The following MGAM variants were observed in gnomAD, a reference collection of about 807,000 sequenced individuals.
The protein encoded by MGAM is alpha-1,4-glucosidase.
Under a neutral mutation model 358.8 loss-of-function variants are expected in MGAM, and 253 were observed. That is an observed-to-expected ratio of 0.71 (90% CI 0.64 to 0.78). The LOEUF (loss-of-function observed/expected upper bound fraction) is 0.78. Among genes scored for constraint, MGAM ranks in the 30% least tolerant of loss-of-function variants. The pLI is 0.00. For synonymous variants in MGAM, 1,105 were observed against 1,227.1 expected (o/e 0.90, Z 2.08); for missense variants, 3,080 against 3,432.6 (o/e 0.90, Z 2.57).
intron 18 of MGAM, among the ~76,000 whole-genome samples, chr7:142,038,008 A>C (rs1055577196): frequency 6.6e-6 from 1 of 151,044 alleles, no homozygotes; most frequent in African/African-American, 2.4e-5. Context: ...CTTTCTAACT[A>C]TTTTTTTTTG....
chr7:142,063,220 A>T (rs1812399371), intron 35 of MGAM, among the ~76,000 whole-genome samples: 1 of 151,360 alleles, frequency 6.6e-6, no homozygotes, highest in African/African-American at 2.4e-5. Context: ...CAAAACCAAA[A>T]AAAAAACCTG....
intron 67 of MGAM, 79 bp from the exon 68 acceptor site, chr7:142,100,723 C>T: frequency 7.9e-7 from 1 of 1,261,586 alleles, no homozygotes; most frequent in South Asian, 1.3e-5. Context: ...CCCTTTGCTG[C>T]TTTATGTTTG....
At position 142,034,628 on chromosome 7, in the gene MGAM, C is replaced by A. The variant is rs782572764; in HGVS notation, c.1788-42C>A. ...GCTGTATCCCCTTGGCTGAGACAAGCTAAGATCCCACATTGACTCCTTAAA... is the reference window on the plus strand; with the variant it reads ...GCTGTATCCCCTTGGCTGAGACAAGATAAGATCCCACATTGACTCCTTAAA... On this transcript the variant is annotated intron_variant, in intron 15 of 70. Coordinates refer to ENST00000475668, the MANE Select transcript of MGAM (RefSeq NM_001365693.1). 2.5e-6 allele frequency: 4 copies of A among 1,576,238 alleles called. No homozygotes were observed. The South Asian group carries it at 4.5e-5, about 18-fold the overall frequency.
At chr7:142,060,098 C>T in intron 33 of MGAM, 132 bp downstream of exon 33, 1 of 1,261,458 alleles carries the variant, frequency 7.9e-7, no homozygotes, top group Non-Finnish European at 1.1e-6. Flanking sequence ...AGGTCAGAAG[C>T]TCTCCTTTTC....
rs998573218 is a variant in MGAM, at chr7:142,078,181, G to C, written c.5494-137G>C. ...CAGTTCTCTTCTTATAAGCTAAAGT[G>C]ATATGTTGCTTGGATGGTTGAAAGT... On this transcript the variant is annotated intron_variant, in intron 47 of 70. Transcript: ENST00000475668. 16 of 702,786 alleles carry C rather than the reference G, an allele frequency of 2.3e-5. 3 individuals carry two copies. Among genetic ancestry groups the C allele is most frequent in the South Asian group, 1.7e-4 (7 of 41,664 alleles). 43.5% of individuals were successfully genotyped at this position (702,786 alleles called of 1,614,324 possible).
chr7:142,045,904 C>T (rs1307781949), intron 21 of MGAM, among the ~76,000 whole-genome samples: 3 of 89,564 alleles, frequency 3.3e-5, no homozygotes, highest in Admixed American at 1.5e-4. Flanking sequence ...TGTATACATA[C>T]AATATGTAAT....
chr7:142,041,948 A>G (rs1202770144), intron 21 of MGAM, among the ~76,000 whole-genome samples: 1 of 14,908 alleles, frequency 6.7e-5, no homozygotes, highest in African/African-American at 1.9e-4. Flanking sequence ...TTATATATAT[A>G]CATATATATA....
In MGAM at chr7:142,027,202, A is replaced by G. The variant is rs1554461260; in HGVS notation, c.1070A>G (p.Glu357Gly). 4 of 1,613,066 alleles carry G rather than the reference A, an allele frequency of 2.5e-6. No individual in the cohort carries two copies. Among genetic ancestry groups the G allele is most frequent in the Non-Finnish European group, 3.4e-6 (4 of 1,179,192 alleles). Residue 357 changes from glutamate to glycine, a missense_variant, in exon 9 of 71, where the codon GAG (glutamate) becomes GGG (glycine). Coordinates refer to ENST00000475668, the MANE Select transcript of MGAM (RefSeq NM_001365693.1). ...DFYVFLGNTPEQVVQEYLELI... is the reference protein window; with the variant it reads ...DFYVFLGNTPGQVVQEYLELI... ...TATGTGTTCTTGGGAAACACTCCAG[A>G]GCAAGTTGTTCAAGAATATCTAGAG...
intron 21 of MGAM, among the ~76,000 whole-genome samples, chr7:142,045,241 TATA>T (rs1313643221): frequency 3.7e-5 from 1 of 26,964 alleles, no homozygotes; most frequent in Non-Finnish European, 8.7e-5. Context: ...TTATATATCA[TATA>T]ATATATGATA....
chr7:142,040,070 T>A, intron 19 of MGAM, 45 bp from the exon 20 acceptor site: 1 of 1,421,448 alleles, frequency 7.0e-7, no homozygotes, highest in Non-Finnish European at 9.9e-7. Flanking sequence ...TAAAAAGAAA[T>A]CCATTTTATT....
intron 38 of MGAM, 55 bp downstream of exon 38, chr7:142,065,523 T>A: frequency 6.2e-7 from 1 of 1,613,912 alleles, no homozygotes; most frequent in East Asian, 2.2e-5. Context: ...TTGGGATCCT[T>A]AGGGAAGAGG....
At chr7:142,036,789 C>A in intron 17 of MGAM, 34 bp from the exon 18 acceptor site, 1 of 1,603,906 alleles carries the variant, frequency 6.2e-7, no homozygotes, top group South Asian at 1.1e-5. Flanking sequence ...ATCCTGCAGC[C>A]AAACCACAAC....
intron 18 of MGAM, among the ~76,000 whole-genome samples, chr7:142,037,350 A>G (rs1308895154): frequency 2.0e-5 from 3 of 152,174 alleles, no homozygotes; most frequent in African/African-American, 7.2e-5. Flanking sequence ...CTCATCTGTA[A>G]TGCACTATAA....
chr7:142,059,814 T>G, intron 32 of MGAM, 42 bp from the exon 33 acceptor site: 1 of 1,585,006 alleles, frequency 6.3e-7, no homozygotes, highest in Non-Finnish European at 8.6e-7. Context: ...CTCCTCATTC[T>G]CTGGCTTTGG....
intron 2 of MGAM, among the ~76,000 whole-genome samples, chr7:141,987,310 G>T (rs1803752784): frequency 6.6e-6 from 1 of 152,136 alleles, no homozygotes; most frequent in Non-Finnish European, 1.5e-5. Context: ...TTTTCTTTCT[G>T]CTACTCTCTA....
chr7:142,048,561 A>G (rs1810641349), intron 22 of MGAM, among the ~76,000 whole-genome samples: 1 of 138,910 alleles, frequency 7.2e-6, no homozygotes, highest in South Asian at 2.4e-4. Flanking sequence ...AATGTTGATG[A>G]TATAGAAATC....
At chr7:142,075,474 A>G (rs536364400) in intron 45 of MGAM, among the ~76,000 whole-genome samples, 1 of 146,834 alleles carries the variant, frequency 6.8e-6, no homozygotes, top group African/African-American at 2.4e-5. Flanking sequence ...GCACAGCAAA[A>G]GAAACAATCA....
In MGAM at chr7:142,052,827, A is replaced by G. The variant is rs755745000; in HGVS notation, c.3002A>G (p.Asp1001Gly). ...SGVPFCYFVN[D>G]LYSVSDVQYN... ...GTCCCTTTTTGCTATTTTGTCAACG[A>G]CCTATACTCTGTCAGTGATGTTCAG... The change falls in exon 26 of 71, where the codon GAC (aspartate) becomes GGC (glycine). Residue 1001 changes from aspartate (D) to glycine (G), a missense_variant. This residue lies in a region of MGAM where 1,816 missense variants were observed against 1,840.5 expected (regional missense o/e 0.99). Transcript: ENST00000475668. 2 of 1,613,814 alleles carry G rather than the reference A, an allele frequency of 1.2e-6. No homozygotes were observed. The highest frequency in any genetic ancestry group is 2.2e-5 in the South Asian group (2 of 91,072).
intron 3 of MGAM, among the ~76,000 whole-genome samples, chr7:142,010,218 C>G (rs1805495966): frequency 6.6e-6 from 1 of 151,958 alleles, no homozygotes; most frequent in African/African-American, 2.4e-5. Flanking sequence ...TAGGAGTCCC[C>G]TTCATGGATC....
Sources: gnomAD v4.1 joint callset for allele counts (sites outside exome capture counted in the v4.1 genomes callset) on GRCh38, gnomAD v4.1.1 for gene constraint, gnomAD v4.1.1 regional missense constraint, MANE v1.5 for transcripts, NCBI Gene and HGNC (gene_info 2026-07-23, HGNC 2026-07-21) for gene names.